The following RASA3 variants were observed in gnomAD, a reference collection of about 807,000 sequenced individuals.
The protein encoded by RASA3 is RAS p21 protein activator 3.
A neutral mutation model predicts 110.0 loss-of-function variants in RASA3; 73 were observed. The observed-to-expected ratio is 0.66, with a 90% CI of 0.55 to 0.81. The LOEUF (loss-of-function observed/expected upper bound fraction) is 0.81. RASA3 is among the 30% of genes least tolerant of loss of function. The pLI is 0.00. For synonymous variants in RASA3, 500 were observed against 451.4 expected, an observed-to-expected ratio of 1.11 and a Z score of -1.37; for missense variants, 976 against 1,113.2, an observed-to-expected ratio of 0.88 and a Z score of 1.75.
At position 114,037,736 on chromosome 13, in the gene RASA3, C is replaced by T. The variant is rs562355842; in HGVS notation, c.372+3264G>A. Among the ~76,000 whole-genome samples the T allele has an allele frequency of 8.5e-5, 13 of 152,330 alleles. No individual in the cohort carries two copies. In the South Asian group the frequency reaches 2.1e-3, roughly 24 times the overall value. On this transcript the variant is annotated intron_variant, in intron 4 of 23. Coordinates refer to ENST00000334062, the MANE Select transcript of RASA3 (RefSeq NM_007368.4). The stretch of plus-strand genomic sequence containing the variant: ...AGCATAGAATACACAGAGAGACACA[C>T]ACAGAAACACGTGCCTGTGAACTGG...
At chr13:114,004,943 G>A (rs2053481488) in intron 18 of RASA3, among the ~76,000 whole-genome samples, 3 of 152,208 alleles carry the variant, frequency 2.0e-5, no homozygotes. Context: ...CCACCATCAA[G>A]AGGAAGGAAA....
intron 1 of RASA3, chr13:114,078,095 A>G (rs551554910): frequency 1.3e-6 from 1 of 796,008 alleles, no homozygotes; most frequent in African/African-American, 1.9e-5. Flanking sequence ...TGCTCAGACC[A>G]GGAGGGCTGG....
At chr13:114,003,912 C>G (rs909329176) in intron 18 of RASA3, among the ~76,000 whole-genome samples, 4 of 152,142 alleles carry the variant, frequency 2.6e-5, no homozygotes, top group African/African-American at 9.7e-5. Context: ...CTGTGTGTGC[C>G]CTTGCCATTA....
rs1190048994 is a variant in RASA3, at chr13:114,057,772, G to A, written c.174-5617C>T. On this transcript the variant is annotated intron_variant, in intron 2 of 23. Transcript: ENST00000334062. This position sits in a 1 kb window ranked among gnomAD's most constrained non-coding sequence, Gnocchi z 5.0. The stretch of plus-strand genomic sequence containing the variant: ...CACAGCTAAAACCCATAAAACCTCC[G>A]CCAACCACACCCAGACCTGGAAGGG... 6.6e-6 allele frequency among the ~76,000 whole-genome samples: 1 copy of A among 152,140 alleles called. No individual in the cohort carries two copies. The highest frequency in any genetic ancestry group is 1.5e-5 in the Non-Finnish European group (1 of 68,030).
Position 114,014,029 on chromosome 13 carries a change from T to TCC in RASA3, c.1406-782_1406-781insGG. Among the ~76,000 whole-genome samples the TCC allele has an allele frequency of 8.2e-6, 1 of 121,698 alleles. No homozygotes were observed. The highest frequency in any genetic ancestry group is 2.7e-5 in the African/African-American group (1 of 37,588). The allele number at this position is 121,698 out of a possible 152,430, so 79.8% of individuals were successfully genotyped here. A position where few individuals can be genotyped will look rare whatever the true frequency, so the allele number is the denominator to read the frequency against. The stretch of plus-strand genomic sequence containing the variant: ...GTCTCTGTCTCTCTCCATCTCTCTC[T>TCC]CTCCGTCTCTATCTCTCTCTCCGTC... On this transcript the variant is annotated intron_variant, in intron 14 of 23. Coordinates refer to ENST00000334062, the MANE Select transcript of RASA3 (RefSeq NM_007368.4). This position sits in a 1 kb window ranked among gnomAD's most constrained non-coding sequence, Gnocchi z 4.5.
Position 114,052,045 on chromosome 13 carries a change from C to T in RASA3, c.277+7G>A. The stretch of plus-strand genomic sequence containing the variant: ...AAAGGGGAAGTAAATGCTCATTCAT[C>T]ACCTACCTATGATGGAATCCCTCCG... On this transcript the variant is annotated splice_region_variant and intron_variant, in intron 3 of 23. Coordinates refer to ENST00000334062, the MANE Select transcript of RASA3 (RefSeq NM_007368.4). 6.3e-7 allele frequency: 1 copy of T among 1,581,352 alleles called. No homozygotes were observed. The highest frequency in any genetic ancestry group is 8.7e-7 in the Non-Finnish European group (1 of 1,150,804).
In RASA3 at chr13:114,021,623, G is replaced by A; in HGVS notation, c.681-115C>T. 5 of 772,314 alleles carry A rather than the reference G, an allele frequency of 6.5e-6. 1 individual carries two copies. Among genetic ancestry groups the A allele is most frequent in the African/African-American group, 1.7e-5 (1 of 58,374 alleles). 47.8% of individuals were successfully genotyped at this position (772,314 alleles called of 1,614,324 possible). ...AGAATGGAGCCTGCAGCGCCTCCCA[G>A]AGTCTCCATCAAGGCTCAGCCCACA... On this transcript the variant is annotated intron_variant, in intron 8 of 23. Transcript: ENST00000334062.
intron 2 of RASA3, among the ~76,000 whole-genome samples, chr13:114,068,130 A>C (rs9590546): frequency 0.012 from 1,852 of 152,366 alleles, 28 homozygotes; most frequent in African/African-American, 0.043. Flanking sequence ...CCACGCCTGC[A>C]GTTTCTTCCT....
chr13:114,037,946 G>A (rs950650278), intron 4 of RASA3, among the ~76,000 whole-genome samples: 1 of 152,108 alleles, frequency 6.6e-6, no homozygotes, highest in Non-Finnish European at 1.5e-5. Context: ...ACGGCCTTCC[G>A]TTCGGGGGAG....
At chr13:114,118,276 C>A (rs1176418317) in intron 1 of RASA3, among the ~76,000 whole-genome samples, 1 of 152,050 alleles carries the variant, frequency 6.6e-6, no homozygotes. Flanking sequence ...CCCAGGGGGG[C>A]AAACTCAGGC....
intron 4 of RASA3, among the ~76,000 whole-genome samples, chr13:114,038,038 C>A (rs1254820198): frequency 1.3e-5 from 2 of 151,766 alleles, no homozygotes; most frequent in African/African-American, 2.4e-5. Context: ...TGTTTTGATG[C>A]CTTCCTATAG....
In RASA3 at chr13:114,068,328, G is replaced by A. The variant is rs1371644053; in HGVS notation, c.173+5392C>T. The stretch of plus-strand genomic sequence containing the variant: ...CTGAGGCAGAGCCTCCCTGAGCCAG[G>A]ACTGTCTGCGTGGATGAGGGTTTGG... On this transcript the variant is annotated intron_variant, in intron 2 of 23. Coordinates refer to ENST00000334062, the MANE Select transcript of RASA3 (RefSeq NM_007368.4). 2.6e-5 allele frequency among the ~76,000 whole-genome samples: 4 copies of A among 152,382 alleles called. No homozygotes were observed. In the East Asian group the frequency reaches 7.7e-4, roughly 29 times the overall value.
At chr13:114,117,487 C>T (rs1277216453) in intron 1 of RASA3, among the ~76,000 whole-genome samples, 1 of 121,228 alleles carries the variant, frequency 8.2e-6, no homozygotes, top group East Asian at 2.7e-4. Context: ...TGGGTGAGCA[C>T]GTGCGTGAGG....
At chr13:114,077,173 C>T (rs4883675) in intron 1 of RASA3, among the ~76,000 whole-genome samples, 84,950 of 152,036 alleles carry the variant, frequency 0.56, 24,810 homozygotes, top group African/African-American at 0.73. Flanking sequence ...CTTCCGAAGG[C>T]GGACACTGCA....
chr13:114,009,689 G>A (rs2053590860), intron 16 of RASA3, among the ~76,000 whole-genome samples: 1 of 152,230 alleles, frequency 6.6e-6, no homozygotes, highest in African/African-American at 2.4e-5. Context: ...TGCCCGTGAG[G>A]TCTCCAAGCA....
At chr13:114,024,481 G>A (rs1167574028) in intron 7 of RASA3, 126 bp from the exon 8 acceptor site, 6 of 821,290 alleles carry the variant, frequency 7.3e-6, no homozygotes, top group African/African-American at 1.7e-5. Context: ...GCCACAACCA[G>A]GAAGGCGCCA....
At chr13:114,038,553 G>T (rs749559967) in intron 4 of RASA3, among the ~76,000 whole-genome samples, 1 of 152,202 alleles carries the variant, frequency 6.6e-6, no homozygotes, top group African/African-American at 2.4e-5. Flanking sequence ...CTTAATTTCC[G>T]TCAAGGGCCT....
chr13:114,015,465 C>T (rs750703948), intron 13 of RASA3, 133 bp from the exon 14 acceptor site: 39 of 1,091,946 alleles, frequency 3.6e-5, no homozygotes, highest in East Asian at 3.6e-4. Flanking sequence ...CAGTGAGACA[C>T]GTGTGAACAG....
chr13:114,013,565 T>C (rs2053695018), intron 14 of RASA3, among the ~76,000 whole-genome samples: 1 of 123,700 alleles, frequency 8.1e-6, no homozygotes, highest in Non-Finnish European at 1.7e-5. Flanking sequence ...TCTGTCTCTC[T>C]CCCTATCTCT....
Sources: gnomAD v4.1 joint callset for allele counts (sites outside exome capture counted in the v4.1 genomes callset) on GRCh38, gnomAD v4.1.1 for gene constraint, Gnocchi (gnomAD v3.1) non-coding constraint, MANE v1.5 for transcripts, NCBI Gene and HGNC (gene_info 2026-07-23, HGNC 2026-07-21) for gene names.